ADGRB3: variants seen among roughly 807,000 people sequenced by gnomAD.
The protein encoded by ADGRB3 is brain-specific angiogenesis inhibitor 3.
ADGRB3 carries 37 observed loss-of-function variants against 193.4 expected under a neutral mutation model. The observed-to-expected ratio is 0.19, with a 90% confidence interval of 0.15 to 0.25. ADGRB3 has a LOEUF of 0.25. Among genes scored for constraint, ADGRB3 ranks in the 10% least tolerant of loss-of-function variants. ADGRB3 has a pLI of 1.00. For synonymous variants in ADGRB3, 690 were observed against 644.2 expected (o/e 1.07, Z -1.08); for missense variants, 1,637 against 1,852.9 (o/e 0.88, Z 2.14).
At chr6:69,265,661 A>G (rs920775221) in intron 20 of ADGRB3, among the ~76,000 whole-genome samples, 1 of 152,018 alleles carries the variant, frequency 6.6e-6, no homozygotes, top group Non-Finnish European at 1.5e-5. Flanking sequence ...CTTCTTCTCT[A>G]TTGTAATATC....
At chr6:68,793,692 C>G (rs1767152011) in intron 3 of ADGRB3, among the ~76,000 whole-genome samples, 1 of 152,040 alleles carries the variant, frequency 6.6e-6, no homozygotes, top group African/African-American at 2.4e-5. Context: ...CCATGCTCGG[C>G]TAATTTTTTT....
intron 17 of ADGRB3, among the ~76,000 whole-genome samples, chr6:69,221,535 A>G (rs1179341985): frequency 1.3e-5 from 2 of 151,476 alleles, no homozygotes; most frequent in Non-Finnish European, 2.9e-5. Context: ...AACGCTTGTC[A>G]ACTGAAGCAG....
chr6:68,767,524 A>G (rs578564), intron 3 of ADGRB3, among the ~76,000 whole-genome samples: 3,010 of 152,300 alleles, frequency 0.02, 99 homozygotes, highest in African/African-American at 0.066. Flanking sequence ...TAAACTAGGT[A>G]TTGATGGATC....
At chr6:68,875,613 A>G (rs1765576316) in intron 3 of ADGRB3, among the ~76,000 whole-genome samples, 1 of 152,072 alleles carries the variant, frequency 6.6e-6, no homozygotes, top group Admixed American at 6.6e-5. Flanking sequence ...TTACTAGGAT[A>G]ACGGCATTAT....
chr6:68,643,181 C>G (rs539241039), intron 3 of ADGRB3, among the ~76,000 whole-genome samples: 1 of 152,254 alleles, frequency 6.6e-6, no homozygotes, highest in South Asian at 2.1e-4. Flanking sequence ...AACACACACA[C>G]TCATTTGTCT....
intron 17 of ADGRB3, among the ~76,000 whole-genome samples, chr6:69,220,860 A>G (rs984558676): frequency 1.3e-5 from 2 of 152,128 alleles, no homozygotes; most frequent in Non-Finnish European, 2.9e-5. Context: ...TTTTTGAGAA[A>G]TGGAATGATG....
At chr6:68,940,547 C>CTTTTTTTTTTTTTT in intron 5 of ADGRB3, among the ~76,000 whole-genome samples, 7 of 69,206 alleles carry the variant, frequency 1.0e-4, no homozygotes, top group East Asian at 4.8e-4. Context: ...TGCTTTTGAA[C>CTTTTTTTTTTTTTT]TTTTTTTTTT....
intron 16 of ADGRB3, among the ~76,000 whole-genome samples, chr6:69,074,537 CTTTTTTT>C (rs956596624): frequency 5.2e-5 from 6 of 115,886 alleles, no homozygotes; most frequent in Non-Finnish European, 1.1e-4. Flanking sequence ...CAGGACTGTA[CTTTTTTT>C]TTTTTTTTTT....
At chr6:69,017,586 G>A (rs1770131970) in intron 12 of ADGRB3, among the ~76,000 whole-genome samples, 1 of 151,942 alleles carries the variant, frequency 6.6e-6, no homozygotes, top group South Asian at 2.1e-4. Flanking sequence ...TGTACTGTAT[G>A]AGGTGCCATG....
intron 3 of ADGRB3, among the ~76,000 whole-genome samples, chr6:68,870,026 G>A (rs1191705566): frequency 1.3e-5 from 2 of 152,190 alleles, no homozygotes; most frequent in South Asian, 2.1e-4. Flanking sequence ...TAGTCCGCCT[G>A]CCTTGGCCTC....
In ADGRB3 at chr6:69,095,802, C is replaced by T. The variant is rs143776736; in HGVS notation, c.2480+19764C>T. 3.5e-3 allele frequency among the ~76,000 whole-genome samples: 530 copies of T among 152,262 alleles called. 3 individuals are homozygous for T. Among genetic ancestry groups the T allele is most frequent in the African/African-American group, 0.012 (495 of 41,542 alleles). Reference sequence around the variant, plus strand: ...TGATAATACAACATACACACACGCACATGCACGCGTGCACACACACACACA... The same window carrying T: ...TGATAATACAACATACACACACGCATATGCACGCGTGCACACACACACACA... On this transcript the variant is annotated intron_variant, in intron 17 of 31. Coordinates refer to ENST00000370598, the MANE Select transcript of ADGRB3 (RefSeq NM_001704.3).
intron 17 of ADGRB3, among the ~76,000 whole-genome samples, chr6:69,219,805 A>G (rs1765854655): frequency 6.6e-6 from 1 of 151,924 alleles, no homozygotes; most frequent in Non-Finnish European, 1.5e-5. Context: ...AATCAGTGTC[A>G]AAATTCCCTT....
At chr6:68,861,935 G>C (rs533890) in intron 3 of ADGRB3, among the ~76,000 whole-genome samples, 2 of 151,854 alleles carry the variant, frequency 1.3e-5, no homozygotes, top group African/African-American at 4.8e-5. Flanking sequence ...TTTTATAAGA[G>C]CTAGATTAGT....
intron 16 of ADGRB3, among the ~76,000 whole-genome samples, chr6:69,072,075 C>G (rs1772094964): frequency 6.6e-6 from 1 of 152,036 alleles, no homozygotes; most frequent in South Asian, 2.1e-4. Context: ...TTCCGTGTCA[C>G]ATTCTTATTA....
chr6:68,736,952 C>A (rs1410857339), intron 3 of ADGRB3, among the ~76,000 whole-genome samples: 1 of 151,768 alleles, frequency 6.6e-6, no homozygotes, highest in Non-Finnish European at 1.5e-5. Context: ...TATGTTACAC[C>A]TTTTGATAAG....
At chr6:69,018,341 A>G (rs1286799541) in intron 12 of ADGRB3, 50 bp from the exon 13 acceptor site, 1 of 1,195,132 alleles carries the variant, frequency 8.4e-7, no homozygotes, top group Non-Finnish European at 1.2e-6. Context: ...TATATATGCC[A>G]TTGTATGTAT....
intron 17 of ADGRB3, among the ~76,000 whole-genome samples, chr6:69,148,598 G>A (rs1387701571): frequency 1.3e-5 from 2 of 152,036 alleles, no homozygotes; most frequent in African/African-American, 4.8e-5. Context: ...AAGATTCTGT[G>A]TTTTTCTATG....
At chr6:68,951,428 C>T (rs968877248) in intron 6 of ADGRB3, among the ~76,000 whole-genome samples, 17 of 152,048 alleles carry the variant, frequency 1.1e-4, no homozygotes, top group African/African-American at 2.4e-4. Context: ...TCTAGTGAAA[C>T]GCTCTGGTTT....
At chr6:69,384,205 T>C (rs1319246396) in intron 31 of ADGRB3, among the ~76,000 whole-genome samples, 1 of 152,068 alleles carries the variant, frequency 6.6e-6, no homozygotes, top group Non-Finnish European at 1.5e-5. Context: ...CTCTAACTCT[T>C]AATTGGTCTC....
Sources: allele counts gnomAD v4.1 joint callset (sites outside exome capture counted in the v4.1 genomes callset), GRCh38; gene constraint gnomAD v4.1.1; transcripts MANE v1.5; gene names NCBI Gene and HGNC (gene_info 2026-07-23, HGNC 2026-07-21).